Variants in PRKD3 observed in about 807,000 individuals in gnomAD.
PRKD3 encodes protein kinase D3, also known as serine/threonine-protein kinase D3.
Under a neutral mutation model 99.2 loss-of-function variants are expected in PRKD3, and 47 were observed. The observed-to-expected ratio is 0.47, with a 90% CI of 0.38 to 0.60. The LOEUF (loss-of-function observed/expected upper bound fraction) is 0.60, where lower values mean the gene tolerates loss of function less well. Among genes scored for constraint, PRKD3 ranks in the 20% least tolerant of loss-of-function variants. The probability of loss-of-function intolerance (pLI) is 0.00; values close to 1 mark genes in which losing one functional copy is unlikely to be tolerated. For missense variants in PRKD3, 1,019 were observed against 1,088.4 expected, an observed-to-expected ratio of 0.94 and a Z score of 0.90; for synonymous variants, 392 against 355.4, an observed-to-expected ratio of 1.10 and a Z score of -1.16.
Position 37,260,309 on chromosome 2 carries a change from T to C in PRKD3, c.1960A>G (p.Lys654Glu), listed in dbSNP as rs763666506. Residue 654 changes from lysine (K) to glutamate (E), a missense_variant, in exon 15 of 19, where the codon AAG becomes GAG. Physicochemically the swap from Lys to Glu is moderately conservative, Grantham distance 56. This residue lies in a region of PRKD3 where 184 missense variants were observed against 275.1 expected (regional missense o/e 0.67). Transcript: ENST00000234179. Reference sequence around the variant, plus strand: ...ATTTCCAACATATCTCCATGCAGCTTTTCCATTACTACAAAGACTCGTTCT... The same window carrying C: ...ATTTCCAACATATCTCCATGCAGCTCTTCCATTACTACAAAGACTCGTTCT... ...TPERVFVVME[K>E]LHGDMLEMIL... 6.2e-7 allele frequency: 1 copy of C among 1,609,060 alleles called. No homozygotes were observed. Among genetic ancestry groups the C allele is most frequent in the Non-Finnish European group, 8.5e-7 (1 of 1,175,528 alleles).
chr2:37,300,616 T>C (rs1251077248), intron 2 of PRKD3, among the ~76,000 whole-genome samples: 1 of 152,238 alleles, frequency 6.6e-6, no homozygotes, highest in East Asian at 1.9e-4. Context: ...ATTGTATGCT[T>C]GTATCAAAAT....
intron 14 of PRKD3, 37 bp from the exon 15 acceptor site, chr2:37,260,421 C>G: frequency 6.4e-7 from 1 of 1,555,848 alleles, no homozygotes; most frequent in South Asian, 1.1e-5. Context: ...GCAACTTAAG[C>G]AGAGAAACAG....
At chr2:37,313,927 T>C (rs1409365301) in intron 2 of PRKD3, among the ~76,000 whole-genome samples, 1 of 152,084 alleles carries the variant, frequency 6.6e-6, no homozygotes, top group East Asian at 1.9e-4. Context: ...ATCTGTAAGC[T>C]TCAGAACAAG....
At chr2:37,307,072 T>C (rs968862347) in intron 2 of PRKD3, among the ~76,000 whole-genome samples, 6 of 152,194 alleles carry the variant, frequency 3.9e-5, no homozygotes, top group East Asian at 1.9e-4. Flanking sequence ...TGGGGCATCA[T>C]AGCAACTTCC....
rs150704745 is a variant in PRKD3, at chr2:37,304,464, G to A, written c.289-11193C>T. Among the ~76,000 whole-genome samples the A allele has an allele frequency of 6.1e-4, 93 of 152,250 alleles. No homozygotes were observed. In the East Asian group the frequency reaches 9.4e-3, roughly 15 times the overall value. On this transcript the variant is annotated intron_variant, in intron 2 of 18. Coordinates refer to ENST00000234179, the MANE Select transcript of PRKD3 (RefSeq NM_005813.6). ...GGATATGAAATATCATAAGAGGCCA[G>A]GTGTGGTGGCTCACGCCTGTAATCC...
intron 11 of PRKD3, among the ~76,000 whole-genome samples, chr2:37,273,973 A>C (rs1277084897): frequency 6.6e-6 from 1 of 152,230 alleles, no homozygotes; most frequent in Non-Finnish European, 1.5e-5. Context: ...TGTGATGTGA[A>C]CCATAATACT....
Position 37,267,414 on chromosome 2 carries a change from T to A in PRKD3, c.1884+16A>T, listed in dbSNP as rs1458978261. On this transcript the variant is annotated intron_variant, in intron 14 of 18. Coordinates refer to ENST00000234179, the MANE Select transcript of PRKD3 (RefSeq NM_005813.6). The stretch of plus-strand genomic sequence containing the variant: ...CAGCCTCTTTAATAAACCAGTTTTT[T>A]ATTTTTTATTTTTACCTGTAAAATA... The A allele has an allele frequency of 6.6e-6, 10 of 1,524,690 alleles. No homozygotes were observed. The highest frequency in any genetic ancestry group is 9.0e-6 in the Non-Finnish European group (10 of 1,117,106). 94.4% of individuals were successfully genotyped at this position (1,524,690 alleles called of 1,614,324 possible).
At chr2:37,319,500 G>C (rs768408937) in intron 1 of PRKD3, among the ~76,000 whole-genome samples, 3 of 152,138 alleles carry the variant, frequency 2.0e-5, no homozygotes, top group Admixed American at 1.3e-4. Context: ...GTAAAGCTTT[G>C]CATTTAGTTT....
intron 13 of PRKD3, 21 bp from the exon 14 acceptor site, chr2:37,267,557 G>C: frequency 1.3e-6 from 2 of 1,542,132 alleles, no homozygotes; most frequent in Non-Finnish European, 8.9e-7. Context: ...AAAAAGAAGA[G>C]GAACGAATGA....
chr2:37,254,092 T>G (rs1010831694), intron 18 of PRKD3, 112 bp downstream of exon 18: 7 of 769,418 alleles, frequency 9.1e-6, no homozygotes, highest in African/African-American at 1.7e-5. Flanking sequence ...AATTAATCAC[T>G]TAAGAGCACT....
intron 1 of PRKD3, chr2:37,317,941 A>G (rs1671732821): frequency 6.6e-6 from 1 of 151,922 alleles, no homozygotes; most frequent in South Asian, 2.1e-4. Context: ...TTAAATATGT[A>G]TCATAATTTC....
chr2:37,318,836 T>C (rs1308974925), intron 1 of PRKD3, among the ~76,000 whole-genome samples: 1 of 152,170 alleles, frequency 6.6e-6, no homozygotes, highest in Admixed American at 6.5e-5. Flanking sequence ...AATCATGGCC[T>C]GGAGATTTGT....
intron 9 of PRKD3, among the ~76,000 whole-genome samples, chr2:37,276,602 C>T (rs1346520056): frequency 6.6e-6 from 1 of 151,840 alleles, no homozygotes; most frequent in Non-Finnish European, 1.5e-5. Context: ...TTTCCAGTTT[C>T]TCATTTGTCT....
Position 37,279,837 on chromosome 2 carries a change from C to T in PRKD3, c.1081G>A (p.Glu361Lys). Residue 361 changes from glutamate (E) to lysine (K), a missense_variant, in exon 8 of 19, where the codon GAA becomes AAA. Physicochemically the swap from Glu to Lys is moderately conservative, Grantham distance 56. Around this residue, in one of 3 missense-constraint regions of PRKD3, gnomAD observed 710 missense variants for 692.7 expected, o/e 1.02. Coordinates refer to ENST00000234179, the MANE Select transcript of PRKD3 (RefSeq NM_005813.6). The stretch of plus-strand genomic sequence containing the variant: ...TTATCTTCTGGGGGTGATGGCTCTT[C>T]TGTGTCATCCAAACCCCGACTACTA... ...SDSSRGLDDTEEPSPPEDKMF... is the reference protein window; with the variant it reads ...SDSSRGLDDTKEPSPPEDKMF... 1.2e-6 allele frequency: 2 copies of T among 1,613,408 alleles called. No individual in the cohort carries two copies. The highest frequency in any genetic ancestry group is 1.7e-6 in the Non-Finnish European group (2 of 1,179,520).
intron 1 of PRKD3, chr2:37,324,091 A>G (rs183852285): frequency 2.0e-5 from 16 of 808,360 alleles, no homozygotes; most frequent in Admixed American, 1.2e-4. Context: ...GCTTAAGGAA[A>G]ACCTCCCAGG....
chr2:37,284,997 T>C (rs910255727), intron 6 of PRKD3, among the ~76,000 whole-genome samples: 2 of 152,226 alleles, frequency 1.3e-5, no homozygotes, highest in African/African-American at 4.8e-5. Context: ...TATCTTACTC[T>C]GTCTTGTAAG....
At chr2:37,279,212 T>C (rs893827096) in intron 8 of PRKD3, 3 of 152,194 alleles carry the variant, frequency 2.0e-5, no homozygotes, top group African/African-American at 7.2e-5. Context: ...AAATTGAATT[T>C]CTATGAACAT....
At chr2:37,291,810 T>C (rs1417871181) in intron 3 of PRKD3, among the ~76,000 whole-genome samples, 2 of 152,212 alleles carry the variant, frequency 1.3e-5, no homozygotes, top group African/African-American at 4.8e-5. Context: ...GGGAACTTGG[T>C]AGCAGGGCTC....
At chr2:37,315,807 G>A (rs988522032) in intron 2 of PRKD3, among the ~76,000 whole-genome samples, 6 of 152,288 alleles carry the variant, frequency 3.9e-5, no homozygotes, top group South Asian at 4.1e-4. Flanking sequence ...TGCAACCTCC[G>A]CCGCCTGCCC....
Sources: gnomAD v4.1 joint callset for allele counts (sites outside exome capture counted in the v4.1 genomes callset) on GRCh38, gnomAD v4.1.1 for gene constraint, gnomAD v4.1.1 regional missense constraint, MANE v1.5 for transcripts, NCBI Gene and HGNC (gene_info 2026-07-23, HGNC 2026-07-21) for gene names.